ROBO1: variants seen among roughly 807,000 people sequenced by gnomAD.
ROBO1 encodes roundabout guidance receptor 1.
In ROBO1, 149 loss-of-function variants were observed where a neutral mutation model predicts 195.9. The observed-to-expected ratio is 0.76, with a 90% confidence interval of 0.67 to 0.87. The LOEUF (loss-of-function observed/expected upper bound fraction) is 0.87. Ranked by LOEUF, ROBO1 falls within the 40% of genes least tolerant of loss-of-function variation. The pLI is 0.00. For missense variants in ROBO1, 1,933 were observed against 2,068.3 expected (o/e 0.93, Z 1.27); for synonymous variants, 816 against 733.2 (o/e 1.11, Z -1.82).
intron 4 of ROBO1, among the ~76,000 whole-genome samples, chr3:78,830,904 GTTTGTTTTGT>G (rs531222527): frequency 1.3e-5 from 2 of 150,942 alleles, no homozygotes; most frequent in African/African-American, 4.9e-5. Context: ...TTGTTTGTTT[GTTTGTTTTGT>G]TTTTGTTTTT....
intron 2 of ROBO1, among the ~76,000 whole-genome samples, chr3:79,559,231 C>T (rs375097888): frequency 6.6e-6 from 1 of 152,194 alleles, no homozygotes; most frequent in East Asian, 1.9e-4. Context: ...GCCTATGCTG[C>T]ACAGTAGAGC....
intron 1 of ROBO1, among the ~76,000 whole-genome samples, chr3:79,684,610 T>C (rs1947045407): frequency 6.6e-6 from 1 of 152,116 alleles, no homozygotes; most frequent in South Asian, 2.1e-4. Context: ...ACATTTTTTA[T>C]TTACCTGCAT....
At chr3:79,447,988 C>T (rs538398562) in intron 2 of ROBO1, among the ~76,000 whole-genome samples, 2 of 152,292 alleles carry the variant, frequency 1.3e-5, no homozygotes, top group East Asian at 3.9e-4. Context: ...AATACTAACA[C>T]TGCTAAGAAA....
At chr3:79,539,037 T>C (rs1383028707) in intron 2 of ROBO1, among the ~76,000 whole-genome samples, 1 of 152,126 alleles carries the variant, frequency 6.6e-6, no homozygotes, top group Non-Finnish European at 1.5e-5. Flanking sequence ...GTGAGGGTGA[T>C]ACTGAGGGGT....
intron 4 of ROBO1, among the ~76,000 whole-genome samples, chr3:78,831,469 C>A (rs1188627985): frequency 6.6e-6 from 1 of 152,088 alleles, no homozygotes. Flanking sequence ...GAATTCATCT[C>A]CATTATACTC....
chr3:78,639,647 A>T (rs1705801895), intron 22 of ROBO1, 97 bp downstream of exon 22: 2 of 1,250,378 alleles, frequency 1.6e-6, no homozygotes, highest in Non-Finnish European at 2.2e-6. Flanking sequence ...ATACGGGTCA[A>T]ATTTTATCTT....
At chr3:79,216,921 G>C (rs573968968) in intron 2 of ROBO1, among the ~76,000 whole-genome samples, 1 of 151,958 alleles carries the variant, frequency 6.6e-6, no homozygotes, top group Non-Finnish European at 1.5e-5. Context: ...TGTGTCGAAT[G>C]GTTCTGCCCT....
At chr3:79,086,782 T>C (rs1416816235) in intron 3 of ROBO1, among the ~76,000 whole-genome samples, 1 of 152,166 alleles carries the variant, frequency 6.6e-6, no homozygotes, top group African/African-American at 2.4e-5. Context: ...TTATTTTTTT[T>C]ACTAATATAT....
intron 2 of ROBO1, among the ~76,000 whole-genome samples, chr3:79,515,125 G>A (rs1940888260): frequency 6.6e-6 from 1 of 152,144 alleles, no homozygotes; most frequent in South Asian, 2.1e-4. Context: ...GGAGAGGAGT[G>A]GCTTCATGGC....
chr3:79,739,588 C>A (rs1227505274), intron 1 of ROBO1, among the ~76,000 whole-genome samples: 2 of 152,108 alleles, frequency 1.3e-5, no homozygotes, highest in East Asian at 1.9e-4. Flanking sequence ...CAAATGGAGG[C>A]TATTTCACAT....
At chr3:79,652,361 T>C (rs1050412201) in intron 1 of ROBO1, among the ~76,000 whole-genome samples, 1 of 152,224 alleles carries the variant, frequency 6.6e-6, no homozygotes, top group Non-Finnish European at 1.5e-5. Context: ...TACTATTTGC[T>C]AGAGGAAGTA....
intron 1 of ROBO1, among the ~76,000 whole-genome samples, chr3:79,621,357 C>T (rs1945002836): frequency 6.6e-6 from 1 of 152,184 alleles, no homozygotes; most frequent in African/African-American, 2.4e-5. Context: ...TTTTCGGACT[C>T]AGTCTGCCTG....
intron 8 of ROBO1, among the ~76,000 whole-genome samples, chr3:78,705,899 T>C (rs755131520): frequency 2.6e-5 from 4 of 152,150 alleles, no homozygotes; most frequent in Non-Finnish European, 5.9e-5. Flanking sequence ...GTGGGAATTC[T>C]TGACCCCCCC....
intron 3 of ROBO1, among the ~76,000 whole-genome samples, chr3:78,983,928 T>C (rs1370055983): frequency 6.6e-6 from 1 of 152,166 alleles, no homozygotes; most frequent in Non-Finnish European, 1.5e-5. Context: ...GTTCAGTTAG[T>C]ACAAGTAACT....
chr3:78,695,656 GA>G (rs1238257456), intron 8 of ROBO1, among the ~76,000 whole-genome samples: 1 of 144,686 alleles, frequency 6.9e-6, no homozygotes, highest in Non-Finnish European at 1.5e-5. Flanking sequence ...AAAGAAAACA[GA>G]AAAATATTTT....
intron 3 of ROBO1, among the ~76,000 whole-genome samples, chr3:79,038,727 A>C (rs1241807736): frequency 1.3e-5 from 2 of 152,072 alleles, no homozygotes; most frequent in South Asian, 2.1e-4. Flanking sequence ...AAAAAAAAAA[A>C]AAACTCTCCC....
chr3:79,523,309 G>A (rs1350607522), intron 2 of ROBO1, among the ~76,000 whole-genome samples: 17 of 151,350 alleles, frequency 1.1e-4, no homozygotes. Flanking sequence ...TAATTGGCTA[G>A]ACTTAATCAT....
At chr3:79,496,074 G>T (rs1369875535) in intron 2 of ROBO1, among the ~76,000 whole-genome samples, 3 of 151,860 alleles carry the variant, frequency 2.0e-5, no homozygotes, top group East Asian at 3.9e-4. Context: ...TTAGCCAGGT[G>T]TGGTGGTACG....
At chr3:79,271,079 G>A (rs1361533231) in intron 2 of ROBO1, among the ~76,000 whole-genome samples, 1 of 151,854 alleles carries the variant, frequency 6.6e-6, no homozygotes, top group Non-Finnish European at 1.5e-5. Flanking sequence ...CCAATTAACT[G>A]ATCAATTTTA....
Sources: allele counts gnomAD v4.1 joint callset (sites outside exome capture counted in the v4.1 genomes callset), GRCh38; gene constraint gnomAD v4.1.1; transcripts MANE v1.5; gene names NCBI Gene and HGNC (gene_info 2026-07-23, HGNC 2026-07-21).